The following AMOTL1 variants were observed in gnomAD, a reference collection of about 807,000 sequenced individuals.
AMOTL1 encodes the protein angiomotin like 1, also known as angiomotin-like protein 1.
AMOTL1 carries 45 observed loss-of-function variants against 102.9 expected under a neutral mutation model. The ratio of observed to expected loss-of-function variants is 0.44; its 90% confidence interval spans 0.34 to 0.56. AMOTL1 has a LOEUF of 0.56. Among genes scored for constraint, AMOTL1 ranks in the 20% least tolerant of loss-of-function variants. The probability of loss-of-function intolerance (pLI) is 0.01; values close to 1 mark genes in which losing one functional copy is unlikely to be tolerated. For synonymous variants in AMOTL1, 481 were observed against 484.7 expected, an observed-to-expected ratio of 0.99 and a Z score of 0.10; for missense variants, 1,114 against 1,225.6, an observed-to-expected ratio of 0.91 and a Z score of 1.36.
chr11:94,827,157 G>A (rs145143313), intron 4 of AMOTL1, among the ~76,000 whole-genome samples: 1 of 152,356 alleles, frequency 6.6e-6, no homozygotes, highest in East Asian at 1.9e-4. Flanking sequence ...CCCTCAAGGA[G>A]TTAGTAGTCG....
intron 6 of AMOTL1, among the ~76,000 whole-genome samples, chr11:94,847,238 A>G (rs1231256427): frequency 2.0e-5 from 3 of 152,328 alleles, no homozygotes; most frequent in South Asian, 2.1e-4. Flanking sequence ...AGAGGTATCC[A>G]TGGTCAGTAC....
At chr11:94,806,673 G>C (rs1385604800) in intron 3 of AMOTL1, among the ~76,000 whole-genome samples, 1 of 152,218 alleles carries the variant, frequency 6.6e-6, no homozygotes, top group African/African-American at 2.4e-5. Flanking sequence ...CGGCTCTGCA[G>C]CATGGGTATT....
intron 8 of AMOTL1, among the ~76,000 whole-genome samples, chr11:94,857,132 C>T (rs963340282): frequency 1.1e-4 from 16 of 152,198 alleles, no homozygotes; most frequent in Non-Finnish European, 2.4e-4. Flanking sequence ...CTTTCTGAGC[C>T]TCAACTTCCT....
intron 1 of AMOTL1, among the ~76,000 whole-genome samples, chr11:94,719,517 C>T (rs2135440908): frequency 6.6e-6 from 1 of 151,546 alleles, no homozygotes; most frequent in South Asian, 2.1e-4. Flanking sequence ...AAAAGAAATT[C>T]TAGGCTAATA....
chr11:94,788,007 C>G (rs1434642945), intron 1 of AMOTL1, among the ~76,000 whole-genome samples: 1 of 152,176 alleles, frequency 6.6e-6, no homozygotes, highest in African/African-American at 2.4e-5. Context: ...CTCCTGGACT[C>G]CAGGGGATAG....
intron 1 of AMOTL1, among the ~76,000 whole-genome samples, chr11:94,709,804 T>C (rs1302988647): frequency 1.3e-5 from 2 of 152,142 alleles, no homozygotes; most frequent in African/African-American, 2.4e-5. Context: ...GTGGTTTTTA[T>C]GTAGCATTAG....
At chr11:94,798,640 G>A (rs776828359) in intron 2 of AMOTL1, among the ~76,000 whole-genome samples, 7 of 152,048 alleles carry the variant, frequency 4.6e-5, no homozygotes, top group Non-Finnish European at 7.4e-5. Flanking sequence ...ACTGGGAGAC[G>A]CATAAAGGTG....
chr11:94,782,584 A>C (rs1951129179), intron 1 of AMOTL1, among the ~76,000 whole-genome samples: 1 of 152,252 alleles, frequency 6.6e-6, no homozygotes, highest in African/African-American at 2.4e-5. Flanking sequence ...AATGTAATAC[A>C]GTACAGAGGA....
intron 3 of AMOTL1, among the ~76,000 whole-genome samples, chr11:94,800,652 A>G (rs186213414): frequency 5.9e-5 from 9 of 152,302 alleles, no homozygotes; most frequent in Admixed American, 2.0e-4. Flanking sequence ...GGAACATATT[A>G]TTACCAGAGG....
intron 8 of AMOTL1, among the ~76,000 whole-genome samples, chr11:94,858,507 T>G (rs531533511): frequency 6.6e-6 from 1 of 152,336 alleles, no homozygotes; most frequent in Admixed American, 6.5e-5. Flanking sequence ...CTTTTCTTAA[T>G]CTAGGGGATT....
At chr11:94,817,539 T>C (rs917372121) in intron 3 of AMOTL1, among the ~76,000 whole-genome samples, 1 of 152,220 alleles carries the variant, frequency 6.6e-6, no homozygotes, top group Non-Finnish European at 1.5e-5. Context: ...GAGATTCCTG[T>C]GAGCCTAATA....
intron 3 of AMOTL1, among the ~76,000 whole-genome samples, chr11:94,761,003 G>A (rs1244275572): frequency 6.6e-6 from 1 of 151,840 alleles, no homozygotes; most frequent in Non-Finnish European, 1.5e-5. Flanking sequence ...TGAACTCCTG[G>A]TGTCAAGCGA....
chr11:94,846,967 G>A (rs993362673), intron 6 of AMOTL1, among the ~76,000 whole-genome samples: 1 of 152,236 alleles, frequency 6.6e-6, no homozygotes. Context: ...ATTATCATGA[G>A]CATTGTTTTT....
chr11:94,792,492 T>C (rs1322377213), intron 1 of AMOTL1, among the ~76,000 whole-genome samples: 1 of 152,254 alleles, frequency 6.6e-6, no homozygotes, highest in Non-Finnish European at 1.5e-5. Flanking sequence ...AGTGACTCCT[T>C]CAGGCTGTGT....
chr11:94,714,218 A>G (rs1284624292), intron 1 of AMOTL1, among the ~76,000 whole-genome samples: 1 of 152,032 alleles, frequency 6.6e-6, no homozygotes, highest in Non-Finnish European at 1.5e-5. Flanking sequence ...CCAGCCTTAC[A>G]TAGCTGAAAT....
At position 94,864,861 on chromosome 11, in the gene AMOTL1, G is replaced by T. The variant is rs1272344785; in HGVS notation, c.2261+1G>T. The T allele has an allele frequency of 6.2e-7, 1 of 1,612,624 alleles. No individual in the cohort carries two copies. Among genetic ancestry groups the T allele is most frequent in the East Asian group, 2.2e-5 (1 of 44,874 alleles). On this transcript the variant is annotated splice_donor_variant, in intron 10 of 12. Coordinates refer to ENST00000433060, the MANE Select transcript of AMOTL1 (RefSeq NM_130847.3). LOFTEE classifies it high-confidence loss of function. ...GAAGGTGTCAGGACATGGAATACAC[G>T]TAAGGGACGACTATGTGTGACGTGT... is the stretch of plus-strand genomic sequence containing the variant.
intron 1 of AMOTL1, among the ~76,000 whole-genome samples, chr11:94,771,863 TGGAA>T (rs1950958544): frequency 6.6e-6 from 1 of 152,172 alleles, no homozygotes; most frequent in African/African-American, 2.4e-5. Flanking sequence ...TCTAAGGTGT[TGGAA>T]ATGTATCCCT....
upstream of AMOTL1, among the ~76,000 whole-genome samples, chr11:94,763,689 G>A (rs974359419): frequency 1.3e-5 from 2 of 152,242 alleles, no homozygotes; most frequent in South Asian, 2.1e-4. Context: ...AAAAGAAAAT[G>A]TTATTAAGAA....
chr11:94,826,949 A>T (rs1951978384), intron 4 of AMOTL1, among the ~76,000 whole-genome samples: 1 of 152,114 alleles, frequency 6.6e-6, no homozygotes, highest in African/African-American at 2.4e-5. Flanking sequence ...TTAGGATTTG[A>T]GATAGTAAAC....
Sources: gnomAD v4.1 joint callset for allele counts (sites outside exome capture counted in the v4.1 genomes callset) on GRCh38, gnomAD v4.1.1 for gene constraint, MANE v1.5 for transcripts, NCBI Gene and HGNC (gene_info 2026-07-23, HGNC 2026-07-21) for gene names.